Variants in SUGCT observed in about 807,000 individuals in gnomAD.
SUGCT encodes the protein succinyl-CoA:glutarate CoA-transferase.
A neutral mutation model predicts 55.0 loss-of-function variants in SUGCT; 41 were observed. The ratio of observed to expected loss-of-function variants is 0.74; its 90% CI spans 0.58 to 0.97. The LOEUF is 0.97. Ranked by LOEUF, SUGCT falls within the 50% of genes least tolerant of loss-of-function variation. SUGCT has a pLI of 0.00. For synonymous variants in SUGCT, 187 were observed against 200.4 expected (o/e 0.93, Z 0.56); for missense variants, 568 against 547.8 (o/e 1.04, Z -0.37).
chr7:40,982,601 A>AT, the SUGCT span, among the ~76,000 whole-genome samples: 2 of 152,106 alleles, frequency 1.3e-5, no homozygotes, highest in African/African-American at 4.8e-5. Context: ...AAAAATATAG[A>AT]TTTTTAGGTT....
intron 13 of SUGCT, among the ~76,000 whole-genome samples, chr7:40,775,387 A>G (rs1202834861): frequency 2.0e-5 from 3 of 152,230 alleles, no homozygotes. Flanking sequence ...CAGTTTCTCT[A>G]CTGGAAAGGC....
intron 9 of SUGCT, among the ~76,000 whole-genome samples, chr7:40,407,732 C>A (rs1003340654): frequency 2.0e-5 from 3 of 151,920 alleles, no homozygotes; most frequent in African/African-American, 4.8e-5. Flanking sequence ...AGAGTCCCCC[C>A]CTCCCCCAAT....
chr7:40,149,868 G>A (rs1330386720), intron 1 of SUGCT, among the ~76,000 whole-genome samples: 1 of 152,112 alleles, frequency 6.6e-6, no homozygotes, highest in Non-Finnish European at 1.5e-5. Context: ...GCAGTGAGCT[G>A]AGATCGCGCC....
intron 9 of SUGCT, among the ~76,000 whole-genome samples, chr7:40,366,503 T>G (rs1051292446): frequency 2.6e-5 from 4 of 151,950 alleles, no homozygotes; most frequent in African/African-American, 9.7e-5. Flanking sequence ...GAAAATTTTC[T>G]CAACCTACTC....
At chr7:40,904,375 C>A in the SUGCT span, among the ~76,000 whole-genome samples, 1 of 152,114 alleles carries the variant, frequency 6.6e-6, no homozygotes, top group Admixed American at 6.6e-5. Context: ...TGTATATATA[C>A]CAATGTGGGG....
intron 9 of SUGCT, among the ~76,000 whole-genome samples, chr7:40,353,115 G>A (rs1209008747): frequency 6.6e-6 from 1 of 152,064 alleles, no homozygotes; most frequent in Non-Finnish European, 1.5e-5. Context: ...TTTTAATGGG[G>A]TTGTTTTCAG....
At chr7:40,297,094 C>T (rs1407498770) in intron 8 of SUGCT, among the ~76,000 whole-genome samples, 8 of 152,120 alleles carry the variant, frequency 5.3e-5, no homozygotes, top group African/African-American at 1.9e-4. Flanking sequence ...TAAATGTTAG[C>T]TTTATGACTA....
chr7:40,776,650 A>T (rs1347080627), intron 13 of SUGCT, among the ~76,000 whole-genome samples: 1 of 152,220 alleles, frequency 6.6e-6, no homozygotes, highest in East Asian at 1.9e-4. Context: ...TCAAAGAGAT[A>T]TTTGAAGCTG....
chr7:40,968,307 C>T, the SUGCT span: 1 of 152,236 alleles, frequency 6.6e-6, no homozygotes, highest in South Asian at 2.1e-4. Context: ...ACCCCTTCTT[C>T]ATTTGCCCAT....
In SUGCT at chr7:40,249,424, C is replaced by T. The variant is rs564856078; in HGVS notation, c.576+11698C>T. 3.1e-3 allele frequency among the ~76,000 whole-genome samples: 433 copies of T among 139,456 alleles called. 2 individuals carry two copies. The highest frequency in any genetic ancestry group is 5.3e-3 in the Non-Finnish European group (348 of 65,626). The allele number at this position is 139,456 out of a possible 152,430, so 91.5% of individuals were successfully genotyped here. On this transcript the variant is annotated intron_variant, in intron 7 of 13. Transcript: ENST00000335693. ...AGTATATAATATATATAATATAAGA[C>T]TATATAATGTATTCCACAAGAAAGG...
At chr7:40,249,329 A>ATATATATATATC (rs1790171014) in intron 7 of SUGCT, among the ~76,000 whole-genome samples, 2 of 118,640 alleles carry the variant, frequency 1.7e-5, no homozygotes, top group Non-Finnish European at 3.5e-5. Context: ...ATATATATAT[A>ATATATATATATC]TATATATATA....
intron 9 of SUGCT, among the ~76,000 whole-genome samples, chr7:40,424,862 T>C (rs895212842): frequency 2.0e-5 from 3 of 152,086 alleles, no homozygotes; most frequent in Admixed American, 6.6e-5. Flanking sequence ...TGTAGACTTA[T>C]TGAAGAATAA....
intron 13 of SUGCT, among the ~76,000 whole-genome samples, chr7:40,838,629 C>CTTTTT (rs1226040540): frequency 1.6e-5 from 2 of 128,726 alleles, no homozygotes; most frequent in African/African-American, 5.4e-5. Context: ...TTACATCTAG[C>CTTTTT]GTTTTGTTTG....
chr7:40,782,354 C>A (rs1055390236), intron 13 of SUGCT, among the ~76,000 whole-genome samples: 1 of 152,018 alleles, frequency 6.6e-6, no homozygotes, highest in Non-Finnish European at 1.5e-5. Flanking sequence ...ACTTTTCTTG[C>A]CAATATAAGT....
intron 12 of SUGCT, among the ~76,000 whole-genome samples, chr7:40,553,697 A>ATGTG (rs761789489): frequency 2.0e-5 from 3 of 151,126 alleles, no homozygotes; most frequent in African/African-American, 7.3e-5. Flanking sequence ...CTGCCACATT[A>ATGTG]TGTGTGTGTG....
downstream of SUGCT, among the ~76,000 whole-genome samples, chr7:40,864,568 G>C (rs1794548014): frequency 6.6e-6 from 1 of 152,108 alleles, no homozygotes; most frequent in Non-Finnish European, 1.5e-5. Context: ...TCAAAAATAT[G>C]TCTTCTGGTG....
At chr7:40,805,115 C>T (rs944883838) in intron 13 of SUGCT, among the ~76,000 whole-genome samples, 4 of 152,250 alleles carry the variant, frequency 2.6e-5, no homozygotes, top group South Asian at 2.1e-4. Flanking sequence ...GACAGTTGGA[C>T]AGTTTAGGAT....
chr7:41,008,322 C>A, the SUGCT span, among the ~76,000 whole-genome samples: 2 of 152,294 alleles, frequency 1.3e-5, no homozygotes, highest in South Asian at 4.1e-4. Context: ...TGCCATCAGC[C>A]CTGGGAGGGC....
intron 9 of SUGCT, among the ~76,000 whole-genome samples, chr7:40,404,957 C>G (rs1406454993): frequency 6.6e-6 from 1 of 152,148 alleles, no homozygotes; most frequent in Admixed American, 6.5e-5. Context: ...ATAGAATTAG[C>G]TGGGCTTTAG....
Sources: allele counts gnomAD v4.1 joint callset (sites outside exome capture counted in the v4.1 genomes callset), GRCh38; gene constraint gnomAD v4.1.1; transcripts MANE v1.5; gene names NCBI Gene and HGNC (gene_info 2026-07-23, HGNC 2026-07-21).